PCDHGA3: variants seen among roughly 807,000 people sequenced by gnomAD.
PCDHGA3 encodes the protein protocadherin gamma-A3.
In PCDHGA3, 40 loss-of-function variants were observed where a neutral mutation model predicts 58.5. That is an observed-to-expected ratio of 0.68 (90% CI 0.53 to 0.89). PCDHGA3 has a LOEUF of 0.89. PCDHGA3 is among the 40% of genes least tolerant of loss of function. The pLI, the probability that PCDHGA3 is intolerant of heterozygous loss-of-function variation, is 0.00. For missense variants in PCDHGA3, 1,223 were observed against 1,195.9 expected, an observed-to-expected ratio of 1.02 and a Z score of -0.33; for synonymous variants, 530 against 525.7, an observed-to-expected ratio of 1.01 and a Z score of -0.11.
chr5:141,385,256 A>G lies in PCDHGA3; in HGVS notation c.2424+38799A>G, dbSNP rs779090806. On this transcript the variant is annotated intron_variant, in intron 1 of 3. Transcript: ENST00000253812. Reference sequence around the variant, plus strand: ...ATGCTCATCAGCCAGGAGAGCTGTGAGAAAAATGATTCTTTGCTAACATCC... The same window carrying G: ...ATGCTCATCAGCCAGGAGAGCTGTGGGAAAAATGATTCTTTGCTAACATCC... 7 of 1,613,794 alleles carry G rather than the reference A, an allele frequency of 4.3e-6. No homozygotes were observed. In the Admixed American group the frequency reaches 1.0e-4, roughly 23 times the overall value.
intron 1 of PCDHGA3, chr5:141,395,894 C>T (rs768471284): frequency 6.6e-6 from 1 of 152,020 alleles, no homozygotes; most frequent in Non-Finnish European, 1.5e-5. Flanking sequence ...CACCTGGGCT[C>T]CATGCCCATG....
intron 1 of PCDHGA3, chr5:141,372,982 GT>G: frequency 1.6e-6 from 1 of 641,336 alleles, no homozygotes; most frequent in East Asian, 2.8e-5. Flanking sequence ...GAATATCTGT[GT>G]TGCAGTTGTT....
chr5:141,351,335 G>A (rs1758694543), intron 1 of PCDHGA3: 2 of 1,613,592 alleles, frequency 1.2e-6, no homozygotes, highest in Non-Finnish European at 1.7e-6. Context: ...TTCAGACCTT[G>A]GAACTGTAAT....
At position 141,490,276 on chromosome 5, in the gene PCDHGA3, A is replaced by T; in HGVS notation, c.2425-4531A>T. 1 of 1,614,236 alleles carries T rather than the reference A, an allele frequency of 6.2e-7. No individual in the cohort carries two copies. Among genetic ancestry groups the T allele is most frequent in the Non-Finnish European group, 8.5e-7 (1 of 1,180,036 alleles). On this transcript the variant is annotated intron_variant, in intron 1 of 3. Transcript: ENST00000253812. This position sits in a 1 kb window ranked among gnomAD's most constrained non-coding sequence, Gnocchi z 5.4. ...AGTGGATGTGGGGGATGTCAATGACAATGCCCCAGAGGTGCTATTGGCCTC... is the reference window on the plus strand; with the variant it reads ...AGTGGATGTGGGGGATGTCAATGACTATGCCCCAGAGGTGCTATTGGCCTC...
In PCDHGA3 at chr5:141,490,108, C is replaced by A; in HGVS notation, c.2425-4699C>A. The A allele has an allele frequency of 6.2e-7, 1 of 1,614,244 alleles. No homozygotes were observed. The highest frequency in any genetic ancestry group is 8.5e-7 in the Non-Finnish European group (1 of 1,180,034). On this transcript the variant is annotated intron_variant, in intron 1 of 3. Transcript: ENST00000253812. This position sits in a 1 kb window ranked among gnomAD's most constrained non-coding sequence, Gnocchi z 5.4. The stretch of plus-strand genomic sequence containing the variant: ...TGGAGACCACACATCTGAGGCAGTG[C>A]GGAACCTCTTTGGCCTAGACCCTAG...
rs369942815 is a variant in PCDHGA3, at chr5:141,485,334, T to A, written c.2425-9473T>A. 5.4e-5 allele frequency: 87 copies of A among 1,614,056 alleles called. No individual in the cohort carries two copies. Among genetic ancestry groups the A allele is most frequent in the Non-Finnish European group, 7.0e-5 (83 of 1,180,026 alleles). On this transcript the variant is annotated intron_variant, in intron 1 of 3. Coordinates refer to ENST00000253812, the MANE Select transcript of PCDHGA3 (RefSeq NM_018916.4). The surrounding 1 kb of genome is among the most constrained non-coding windows in gnomAD (Gnocchi z 5.7). Reference sequence around the variant, plus strand: ...GGGAATGTCGCTCAAGATTTCCTGCTGGATACGGACAGTCTGTCAGCTCGC... The same window carrying A: ...GGGAATGTCGCTCAAGATTTCCTGCAGGATACGGACAGTCTGTCAGCTCGC...
intron 1 of PCDHGA3, chr5:141,388,479 C>T (rs1345463224): frequency 4.3e-6 from 7 of 1,613,652 alleles, no homozygotes; most frequent in Non-Finnish European, 1.7e-6. Flanking sequence ...ATTGAAGACA[C>T]CTTTGGACAG....
intron 1 of PCDHGA3, chr5:141,365,241 T>C: frequency 6.2e-7 from 1 of 1,614,002 alleles, no homozygotes; most frequent in Non-Finnish European, 8.5e-7. Context: ...ATCTCAACTC[T>C]ACAATCACTG....
At chr5:141,408,896 G>A (rs1441378199) in intron 1 of PCDHGA3, 5 of 1,613,328 alleles carry the variant, frequency 3.1e-6, no homozygotes, top group East Asian at 2.2e-5. Flanking sequence ...AGAAATTTCT[G>A]TCAAGGATAC....
intron 1 of PCDHGA3, among the ~76,000 whole-genome samples, chr5:141,466,790 A>C (rs1240777427): frequency 2.0e-5 from 3 of 152,210 alleles, no homozygotes; most frequent in Non-Finnish European, 2.9e-5. Context: ...TTAGTGCCTC[A>C]AACTAGATCC....
rs764039295 is a variant in PCDHGA3 at position 141,374,747 on chromosome 5, C to T, written c.2424+28290C>T. The T allele has an allele frequency of 3.7e-6, 6 of 1,612,022 alleles. No homozygotes were observed. Among genetic ancestry groups the T allele is most frequent in the East Asian group, 4.5e-5 (2 of 44,822 alleles). On this transcript the variant is annotated intron_variant, in intron 1 of 3. Transcript: ENST00000253812. ...TGCCATGGATGGCGGCGACCCTGTC[C>T]GCTCAAGCGTCGCCCAAATTCTGGT... is the stretch of plus-strand genomic sequence containing the variant.
intron 1 of PCDHGA3, chr5:141,370,553 C>G: frequency 6.2e-7 from 1 of 1,613,810 alleles, no homozygotes; most frequent in Non-Finnish European, 8.5e-7. Context: ...TCGCCAAGGA[C>G]CTGGGGTTTG....
rs1339132086 is a variant in PCDHGA3 at position 141,350,396 on chromosome 5, G to A, written c.2424+3939G>A. 6 of 1,599,342 alleles carry A rather than the reference G, an allele frequency of 3.8e-6. No individual in the cohort carries two copies. The highest frequency in any genetic ancestry group is 5.1e-6 in the Non-Finnish European group (6 of 1,170,144). ...GGAGCTAGCCAACGGCTCACGGGTGGGGAAACTTGCCAAGGATCTGGGGCT... is the reference window on the plus strand; with the variant it reads ...GGAGCTAGCCAACGGCTCACGGGTGAGGAAACTTGCCAAGGATCTGGGGCT... On this transcript the variant is annotated intron_variant, in intron 1 of 3. Transcript: ENST00000253812.
chr5:141,383,510 A>G (rs1390731022), intron 1 of PCDHGA3: 1 of 1,612,804 alleles, frequency 6.2e-7, no homozygotes, highest in Admixed American at 1.7e-5. Context: ...GACCGGGAGG[A>G]AGAGCGGGTT....
chr5:141,366,069 G>T (rs544928184), intron 1 of PCDHGA3: 12 of 1,614,216 alleles, frequency 7.4e-6, no homozygotes, highest in African/African-American at 2.7e-5. Context: ...CTGGCGCCTC[G>T]CTCCGCAGAA....
At chr5:141,409,893 A>G in intron 1 of PCDHGA3, 2 of 1,613,138 alleles carry the variant, frequency 1.2e-6, no homozygotes, top group Middle Eastern at 3.3e-4. Flanking sequence ...CGGGTGCTGT[A>G]CCCAGCTCTG....
chr5:141,445,252 A>G (rs2098461096), intron 1 of PCDHGA3, among the ~76,000 whole-genome samples: 1 of 152,224 alleles, frequency 6.6e-6, no homozygotes, highest in Non-Finnish European at 1.5e-5. Context: ...ATATTGTGTG[A>G]GAATATAAGT....
At chr5:141,418,127 A>G in intron 1 of PCDHGA3, 1 of 1,614,104 alleles carries the variant, frequency 6.2e-7, no homozygotes, top group East Asian at 2.2e-5. Flanking sequence ...GAAGGACCGA[A>G]TAGACCGTGA....
At chr5:141,374,686 C>A (rs765389244) in intron 1 of PCDHGA3, 1 of 1,609,760 alleles carries the variant, frequency 6.2e-7, no homozygotes, top group South Asian at 1.1e-5. Flanking sequence ...GCACACTGGA[C>A]CGGGAAGGAG....
Sources: allele counts gnomAD v4.1 joint callset (sites outside exome capture counted in the v4.1 genomes callset), GRCh38; gene constraint gnomAD v4.1.1; non-coding constraint Gnocchi (gnomAD v3.1); transcripts MANE v1.5; gene names NCBI Gene and HGNC (gene_info 2026-07-23, HGNC 2026-07-21).